SLC4A1: variants seen among roughly 807,000 people sequenced by gnomAD.
SLC4A1 encodes solute carrier family 4 member 1 (Diego blood group), also known as band 3 anion transport protein.
In SLC4A1, 29 loss-of-function variants were observed where a neutral mutation model predicts 93.1. The observed-to-expected ratio is 0.31, with a 90% CI of 0.23 to 0.42. SLC4A1 has a LOEUF of 0.42. Ranked by LOEUF, SLC4A1 falls within the 20% of genes least tolerant of loss-of-function variation. The pLI is 1.00. For missense variants in SLC4A1, 965 were observed against 1,190.1 expected, an observed-to-expected ratio of 0.81 and a Z score of 2.78; for synonymous variants, 469 against 497.2, an observed-to-expected ratio of 0.94 and a Z score of 0.76.
chr17:44,259,681 A>ACC (rs45538331), intron 7 of SLC4A1, 100 bp from the exon 8 acceptor site: 2 of 1,527,328 alleles, frequency 1.3e-6, no homozygotes, highest in Non-Finnish European at 1.8e-6. Flanking sequence ...CTCTCCTGGC[A>ACC]CCCCCCGGGC....
At chr17:44,259,414 C>T (rs542995970) in intron 8 of SLC4A1, 70 bp from the exon 9 acceptor site, 20 of 1,604,682 alleles carry the variant, frequency 1.2e-5, no homozygotes, top group African/African-American at 5.3e-5. Context: ...GATGGGGCTG[C>T]GGGGGTCCAG....
At chr17:44,262,822 G>A (rs1011565228) in intron 2 of SLC4A1, 30 bp downstream of exon 2, 1 of 1,612,540 alleles carries the variant, frequency 6.2e-7, no homozygotes, top group Non-Finnish European at 8.5e-7. Flanking sequence ...CCTCCAGGTG[G>A]GAGCACTGCT....
chr17:44,255,230 A>T lies in SLC4A1; in HGVS notation c.1867T>A (p.Phe623Ile). The T allele has an allele frequency of 6.4e-7, 1 of 1,557,680 alleles. No individual in the cohort carries two copies. Among genetic ancestry groups the T allele is most frequent in the Non-Finnish European group, 8.7e-7 (1 of 1,149,686 alleles). ...SILIMVLVDF[F>I]IQDTYTQKLS... ...ACCTGGGTGTAGGTATCCTGAATGA[A>T]GAAATCCACCAGGACCATGATCAGG... Residue 623 changes from phenylalanine (F) to isoleucine (I), a missense_variant, in exon 15 of 20, where the codon TTC becomes ATC. Coordinates refer to ENST00000262418, the MANE Select transcript of SLC4A1 (RefSeq NM_000342.4).
rs761829570 is a variant in SLC4A1 at position 44,254,635 on chromosome 17, C to T, written c.1918G>A (p.Val640Met). The change falls in exon 16 of 20, where the codon GTG becomes ATG. Residue 640 changes from valine (V) to methionine (M), a missense_variant. By Grantham distance (21) the Val-to-Met change is conservative. This residue lies in a region of SLC4A1 where 770 missense variants were observed against 1,006.6 expected (regional missense o/e 0.76). Coordinates refer to ENST00000262418, the MANE Select transcript of SLC4A1 (RefSeq NM_000342.4). ...QKLSVPDGFK[V>M]SNSSARGWVI... ...CAGCCCCGGGCTGAGGAGTTGGACA[C>T]CTTGAAGCCATCAGGCACCGAGAGT... is the stretch of plus-strand genomic sequence containing the variant. The T allele has an allele frequency of 5.0e-6, 8 of 1,614,084 alleles. No individual in the cohort carries two copies. The highest frequency in any genetic ancestry group is 1.3e-5 in the African/African-American group (1 of 75,016).
At chr17:44,267,129 A>C (rs1388096879) in intron 1 of SLC4A1, among the ~76,000 whole-genome samples, 1 of 152,196 alleles carries the variant, frequency 6.6e-6, no homozygotes, top group Non-Finnish European at 1.5e-5. Flanking sequence ...TACAGCCTGG[A>C]CTACCTGACT....
At chr17:44,261,463 A>T in intron 4 of SLC4A1, 112 bp downstream of exon 4, 2 of 1,556,292 alleles carry the variant, frequency 1.3e-6, no homozygotes, top group Middle Eastern at 3.4e-4. Context: ...TATCTGCTGC[A>T]GGGTCTCCCC....
chr17:44,248,849 G>GT lies in SLC4A1; in HGVS notation c.*1608dup, dbSNP rs57466226. On this transcript the variant is annotated 3_prime_UTR_variant, in exon 20 of 20. Coordinates refer to ENST00000262418, the MANE Select transcript of SLC4A1 (RefSeq NM_000342.4). The stretch of plus-strand genomic sequence containing the variant: ...GCCCCCAAGGCTGATGTTTCCTTCC[G>GT]TTTTTTTTTTTTTTTTTTTTTTTTT... 3,335 of 71,642 alleles carry GT rather than the reference G, an allele frequency of 0.047. 945 individuals are homozygous for GT. The highest frequency in any genetic ancestry group is 0.14 in the African/African-American group (1,840 of 12,752). 4.4% of individuals were successfully genotyped at this position (71,642 alleles called of 1,614,324 possible).
chr17:44,254,175 C>T (rs963310646), intron 16 of SLC4A1, among the ~76,000 whole-genome samples: 3 of 152,052 alleles, frequency 2.0e-5, no homozygotes, highest in African/African-American at 7.2e-5. Context: ...AGGGCTTCAC[C>T]ATGTTAGCCA....
At chr17:44,259,954 T>C (rs199587636) in intron 6 of SLC4A1, 22 bp from the exon 7 acceptor site, 2 of 1,612,692 alleles carry the variant, frequency 1.2e-6, no homozygotes. Context: ...ACAGGGGACA[T>C]GGGCTGAGTA....
chr17:44,263,133 G>C (rs1238842605), intron 1 of SLC4A1, among the ~76,000 whole-genome samples, 199 bp from the exon 2 acceptor site: 1 of 152,184 alleles, frequency 6.6e-6, no homozygotes, highest in East Asian at 1.9e-4. Context: ...GGGAGAGAGG[G>C]GCAGTGCAGG....
chr17:44,259,593 A>G lies in SLC4A1; in HGVS notation c.610-12T>C. 2 of 1,609,086 alleles carry G rather than the reference A, an allele frequency of 1.2e-6. No homozygotes were observed. Among genetic ancestry groups the G allele is most frequent in the South Asian group, 1.1e-5 (1 of 90,984 alleles). On this transcript the variant is annotated splice_polypyrimidine_tract_variant and intron_variant, in intron 7 of 19. Transcript: ENST00000262418. The stretch of plus-strand genomic sequence containing the variant: ...GTGCCCCCATCTCCCTGTGGGAAGG[A>G]GGGTGGTGACGGGAGTCCTCGGGCC...
intron 7 of SLC4A1, 103 bp from the exon 8 acceptor site, chr17:44,259,684 C>A (rs1302742069): frequency 6.5e-7 from 1 of 1,536,056 alleles, no homozygotes; most frequent in African/African-American, 1.4e-5. Context: ...TCCTGGCACC[C>A]CCCGGGCACA....
chr17:44,266,687 C>A (rs2047498836), intron 1 of SLC4A1, among the ~76,000 whole-genome samples: 1 of 152,192 alleles, frequency 6.6e-6, no homozygotes, highest in South Asian at 2.1e-4. Flanking sequence ...GCCAGGCCGC[C>A]CCCCAGCTGC....
chr17:44,250,492 C>A lies in SLC4A1; in HGVS notation c.2702G>T (p.Arg901Leu), dbSNP rs189300762. The A allele has an allele frequency of 2.4e-5, 38 of 1,613,982 alleles. No homozygotes were observed. The highest frequency in any genetic ancestry group is 3.2e-5 in the Non-Finnish European group (38 of 1,179,978). ...CATGGCCACTTCGTCGTATTCATCC[C>A]GACCTTCCTCCTCATCAAAGGTTGC... ...AKATFDEEEG[R>L]DEYDEVAMPV The change falls in exon 20 of 20, where the codon CGG becomes CTG. Residue 901 changes from arginine to leucine, a missense_variant. Around this residue, in one of 2 missense-constraint regions of SLC4A1, gnomAD observed 770 missense variants for 1,006.6 expected, o/e 0.76. Transcript: ENST00000262418.
intron 19 of SLC4A1, among the ~76,000 whole-genome samples, chr17:44,250,781 T>C (rs1038918811): frequency 1.3e-5 from 2 of 152,082 alleles, no homozygotes; most frequent in Non-Finnish European, 2.9e-5. Context: ...CAGGGGACCT[T>C]TTCACCAAGG....
Position 44,262,930 on chromosome 17 carries a change from G to T in SLC4A1, c.-64C>A. On this transcript the variant is annotated 5_prime_UTR_variant, in exon 2 of 20. Transcript: ENST00000262418. ...AGCCCCCAGCATAACCCGCACCGCG[G>T]GTCCCTGCAGCAGAGGGCACAGGCT... 1 of 1,612,522 alleles carries T rather than the reference G, an allele frequency of 6.2e-7. No homozygotes were observed. The highest frequency in any genetic ancestry group is 8.5e-7 in the Non-Finnish European group (1 of 1,180,002).
intron 16 of SLC4A1, among the ~76,000 whole-genome samples, chr17:44,254,277 C>T (rs934284298): frequency 2.6e-5 from 4 of 151,694 alleles, no homozygotes; most frequent in Non-Finnish European, 5.9e-5. Flanking sequence ...CGCCCGGCCA[C>T]GTTTTTTTTT....
At chr17:44,253,706 C>G (rs758880715) in intron 16 of SLC4A1, among the ~76,000 whole-genome samples, 1 of 151,898 alleles carries the variant, frequency 6.6e-6, no homozygotes, top group African/African-American at 2.4e-5. Flanking sequence ...GAGTCTTGCT[C>G]TGTCGCCCAG....
rs1457260575 is a variant in SLC4A1, at chr17:44,257,404, G to A, written c.1572C>T (p.Phe524=). 6.2e-7 allele frequency: 1 copy of A among 1,614,096 alleles called. No homozygotes were observed. Among genetic ancestry groups the A allele is most frequent in the South Asian group, 1.1e-5 (1 of 91,070 alleles). Residue 524 remains phenylalanine, a synonymous_variant, in exon 13 of 20, where the codon TTC becomes TTT. Coordinates refer to ENST00000262418, the MANE Select transcript of SLC4A1 (RefSeq NM_000342.4). ...TGAAGATGAGGGAAATGAGGAAGGA[G>A]AAGATCTCCTGGGTATAGCGGGAGA... ...RFISRYTQEI[F]SFLISLIFIY...
Sources: gnomAD v4.1 joint callset for allele counts (sites outside exome capture counted in the v4.1 genomes callset) on GRCh38, gnomAD v4.1.1 for gene constraint, gnomAD v4.1.1 regional missense constraint, MANE v1.5 for transcripts, NCBI Gene and HGNC (gene_info 2026-07-23, HGNC 2026-07-21) for gene names.